The following DCC variants were observed in gnomAD, a reference collection of about 807,000 sequenced individuals.
DCC encodes the protein netrin receptor DCC.
Under a neutral mutation model 172.5 loss-of-function variants are expected in DCC, and 58 were observed. The ratio of observed to expected loss-of-function variants is 0.34; its 90% CI spans 0.27 to 0.42. The LOEUF (loss-of-function observed/expected upper bound fraction) is 0.42, where lower values mean the gene tolerates loss of function less well. Among genes scored for constraint, DCC ranks in the 10% least tolerant of loss-of-function variants. The pLI, the probability that DCC is intolerant of heterozygous loss-of-function variation, is 1.00. For synonymous variants in DCC, 709 were observed against 644.5 expected, an observed-to-expected ratio of 1.10 and a Z score of -1.52; for missense variants, 1,740 against 1,791.0, an observed-to-expected ratio of 0.97 and a Z score of 0.51.
intron 1 of DCC, among the ~76,000 whole-genome samples, chr18:52,424,223 G>A (rs935256165): frequency 6.6e-6 from 1 of 152,142 alleles, no homozygotes; most frequent in Non-Finnish European, 1.5e-5. Flanking sequence ...CTGTGTATCA[G>A]GTAGTATGCT....
chr18:52,528,838 G>A (rs2032059527), intron 1 of DCC, among the ~76,000 whole-genome samples: 1 of 151,942 alleles, frequency 6.6e-6, no homozygotes, highest in African/African-American at 2.4e-5. Flanking sequence ...AAATTTCCTG[G>A]GATAAAAATA....
rs987078889 is a variant in DCC, at chr18:52,349,258, A to G, written c.91+8380A>G. On this transcript the variant is annotated intron_variant, in intron 1 of 28. Coordinates refer to ENST00000442544, the MANE Select transcript of DCC (RefSeq NM_005215.4). ...CAGGCTAATGAAGACCCCTGAATGA[A>G]ATAAAGCCTCAGATGTACTTGCAGA... 2.6e-5 allele frequency among the ~76,000 whole-genome samples: 4 copies of G among 152,132 alleles called. No individual in the cohort carries two copies. The South Asian group carries it at 8.3e-4, about 31-fold the overall frequency.
intron 12 of DCC, among the ~76,000 whole-genome samples, chr18:53,244,943 A>G (rs1433754966): frequency 1.3e-5 from 2 of 152,248 alleles, no homozygotes; most frequent in Middle Eastern, 3.4e-3. Flanking sequence ...TATCATTTTA[A>G]ATGATTAAAC....
intron 3 of DCC, among the ~76,000 whole-genome samples, chr18:52,919,215 T>C (rs897831667): frequency 3.3e-5 from 5 of 152,162 alleles, no homozygotes; most frequent in African/African-American, 9.6e-5. Flanking sequence ...GCAGAGCTCA[T>C]GCAGCGTGAC....
intron 15 of DCC, among the ~76,000 whole-genome samples, chr18:53,370,853 G>T (rs1018801291): frequency 6.6e-6 from 1 of 151,650 alleles, no homozygotes; most frequent in Admixed American, 6.6e-5. Context: ...GTTAAATCTA[G>T]TTGGTTTGTT....
chr18:52,513,357 C>A (rs1054350928), intron 1 of DCC, among the ~76,000 whole-genome samples: 3 of 152,124 alleles, frequency 2.0e-5, no homozygotes, highest in African/African-American at 7.2e-5. Context: ...AGATCTATAA[C>A]CTAATCTCTC....
intron 15 of DCC, among the ~76,000 whole-genome samples, chr18:53,371,244 G>T (rs1469371119): frequency 1.3e-5 from 2 of 151,884 alleles, no homozygotes; most frequent in African/African-American, 4.8e-5. Context: ...ATTTTAAACT[G>T]TGTTTCTCCC....
intron 1 of DCC, among the ~76,000 whole-genome samples, chr18:52,654,448 A>G (rs1314666957): frequency 1.3e-5 from 2 of 152,090 alleles, no homozygotes; most frequent in African/African-American, 2.4e-5. Flanking sequence ...AACAACAGAC[A>G]TTTATTGTCT....
At position 52,340,707 on chromosome 18, in the gene DCC, T is replaced by C. The variant is rs1983589101; in HGVS notation, c.-81T>C. 7.4e-6 allele frequency: 7 copies of C among 952,212 alleles called. No individual in the cohort carries two copies. In the Admixed American group the frequency reaches 1.2e-4, roughly 16 times the overall value. The allele number at this position is 952,212 out of a possible 1,614,324, so 59.0% of individuals were successfully genotyped here. ...AAGGGGCTCGGCGCGTGTGTGTGCA[T>C]GTGTGCATGCGTGTGTGAGTGCATG... On this transcript the variant is annotated 5_prime_UTR_variant, in exon 1 of 29. An upstream start codon of the reference 5' UTR is lost. Transcript: ENST00000442544.
At chr18:52,861,126 G>A (rs1257721173) in intron 2 of DCC, among the ~76,000 whole-genome samples, 4 of 151,902 alleles carry the variant, frequency 2.6e-5, no homozygotes, top group African/African-American at 9.7e-5. Context: ...TTTGGCATCA[G>A]ACTGTGCCCG....
intron 2 of DCC, among the ~76,000 whole-genome samples, chr18:52,779,567 GGTTA>G (rs1421298529): frequency 1.3e-5 from 2 of 152,084 alleles, no homozygotes; most frequent in Non-Finnish European, 2.9e-5. Flanking sequence ...TTAACATTTG[GGTTA>G]GTTCCAAGTC....
At chr18:53,465,744 CT>C in intron 24 of DCC, among the ~76,000 whole-genome samples, 1 of 151,236 alleles carries the variant, frequency 6.6e-6, no homozygotes, top group South Asian at 2.1e-4. Context: ...TGATGCTTTT[CT>C]ATTCTTTTTA....
chr18:53,085,344 A>ATT lies in DCC; in HGVS notation c.1261+19187_1261+19188dup, dbSNP rs544300537. On this transcript the variant is annotated intron_variant, in intron 7 of 28. Coordinates refer to ENST00000442544, the MANE Select transcript of DCC (RefSeq NM_005215.4). Reference sequence around the variant, plus strand: ...ACCACACCTAGAAACCTAGTCAGGGATTTTTTTTTTCCATCTAAAATAATT... The same window carrying ATT: ...ACCACACCTAGAAACCTAGTCAGGGATTTTTTTTTTTTCCATCTAAAATAATT... Among the ~76,000 whole-genome samples the ATT allele has an allele frequency of 2.7e-5, 4 of 150,760 alleles. 1 individual carries two copies. In the Middle Eastern group the frequency reaches 0.01, roughly 385 times the overall value.
chr18:52,483,390 T>C (rs1460897256), intron 1 of DCC, among the ~76,000 whole-genome samples: 1 of 152,080 alleles, frequency 6.6e-6, no homozygotes, highest in East Asian at 1.9e-4. Flanking sequence ...GAACACTTTC[T>C]CCAATAGTTG....
intron 7 of DCC, among the ~76,000 whole-genome samples, chr18:53,137,762 ATATACT>A (rs1243374272): frequency 1.3e-5 from 2 of 152,098 alleles, no homozygotes; most frequent in Admixed American, 6.5e-5. Flanking sequence ...ATTTATATAC[ATATACT>A]TAATAATTTT....
intron 12 of DCC, among the ~76,000 whole-genome samples, chr18:53,278,542 G>A (rs1040669708): frequency 6.6e-6 from 1 of 152,046 alleles, no homozygotes; most frequent in Non-Finnish European, 1.5e-5. Context: ...TGTCTTGTAG[G>A]TCCTCTTTTC....
intron 12 of DCC, among the ~76,000 whole-genome samples, chr18:53,264,186 C>T (rs1327199453): frequency 5.3e-5 from 8 of 151,954 alleles, no homozygotes; most frequent in African/African-American, 1.9e-4. Flanking sequence ...TTTTGGGAAG[C>T]AGTATTTAAA....
intron 1 of DCC, among the ~76,000 whole-genome samples, chr18:52,523,381 C>A (rs1467702400): frequency 6.6e-6 from 1 of 152,248 alleles, no homozygotes; most frequent in Admixed American, 6.5e-5. Context: ...AGTAGATGAC[C>A]TCTCAGTCCC....
Position 52,802,789 on chromosome 18 carries a change from C to T in DCC, c.412+50415C>T, listed in dbSNP as rs115571427. ...CCAAAGTGTAAGGATTACAGACAGG[C>T]GCTACTGTAGCCCAGCCCTGAAAAT... is the stretch of plus-strand genomic sequence containing the variant. On this transcript the variant is annotated intron_variant, in intron 2 of 28. Transcript: ENST00000442544. 7.0e-3 allele frequency among the ~76,000 whole-genome samples: 1,054 copies of T among 150,054 alleles called. 7 individuals carry two copies. Among genetic ancestry groups the T allele is most frequent in the African/African-American group, 0.024 (981 of 40,854 alleles).
Sources: gnomAD v4.1 joint callset for allele counts (sites outside exome capture counted in the v4.1 genomes callset) on GRCh38, gnomAD v4.1.1 for gene constraint, MANE v1.5 for transcripts, NCBI Gene and HGNC (gene_info 2026-07-23, HGNC 2026-07-21) for gene names.